Variants in LCTL observed in about 807,000 individuals in gnomAD.
LCTL encodes the protein lactase like, also known as lactase-like protein.
In LCTL, 76 loss-of-function variants were observed where a neutral mutation model predicts 75.8. The observed-to-expected ratio is 1.00, with a 90% confidence interval of 0.83 to 1.21. The LOEUF (loss-of-function observed/expected upper bound fraction) is 1.21, where lower values mean the gene tolerates loss of function less well. LCTL is among the 50% of genes most tolerant of loss of function. The pLI is 0.00. For missense variants in LCTL, 670 were observed against 712.4 expected (o/e 0.94, Z 0.68); for synonymous variants, 271 against 268.8 (o/e 1.01, Z -0.08).
chr15:66,554,216 G>A (rs997896971), intron 8 of LCTL, among the ~76,000 whole-genome samples: 11 of 150,954 alleles, frequency 7.3e-5, no homozygotes, highest in African/African-American at 2.0e-4. Flanking sequence ...GCTTGAAGCC[G>A]GGAGGTGGAG....
At chr15:66,549,438 C>T (rs1307601243) in intron 12 of LCTL, 1 of 152,174 alleles carries the variant, frequency 6.6e-6, no homozygotes, top group African/African-American at 2.4e-5. Flanking sequence ...AAGCATATTT[C>T]TCTGATTGCC....
intron 11 of LCTL, among the ~76,000 whole-genome samples, chr15:66,550,827 C>T (rs1301043661): frequency 1.3e-5 from 2 of 151,966 alleles, no homozygotes; most frequent in Non-Finnish European, 2.9e-5. Context: ...GGTGCAGCAA[C>T]AGAGAATAGA....
At chr15:66,561,138 G>A in intron 5 of LCTL, 37 bp from the exon 7 acceptor site, 1 of 1,614,178 alleles carries the variant, frequency 6.2e-7, no homozygotes, top group South Asian at 1.1e-5. Flanking sequence ...GGATCCATAA[G>A]AAGTGGCAGG....
chr15:66,554,384 A>G (rs1026329048), intron 8 of LCTL, among the ~76,000 whole-genome samples: 4 of 151,370 alleles, frequency 2.6e-5, no homozygotes, highest in Non-Finnish European at 2.9e-5. Flanking sequence ...ACTTGAACCC[A>G]GGAGGCAGAG....
At chr15:66,562,497 G>C (rs925324942) in intron 4 of LCTL, among the ~76,000 whole-genome samples, 1 of 152,128 alleles carries the variant, frequency 6.6e-6, no homozygotes, top group African/African-American at 2.4e-5. Flanking sequence ...GACATTGCTG[G>C]GGCAGGGGTC....
chr15:66,559,175 C>A (rs960400870), intron 6 of LCTL, among the ~76,000 whole-genome samples: 1 of 152,150 alleles, frequency 6.6e-6, no homozygotes, highest in Non-Finnish European at 1.5e-5. Flanking sequence ...TGTGCCACCA[C>A]ACCTGGCTCA....
chr15:66,551,558 T>G, intron 11 of LCTL, 104 bp downstream of exon 12: 1 of 911,664 alleles, frequency 1.1e-6, no homozygotes, highest in Admixed American at 2.2e-5. Flanking sequence ...CCCCGTCCTC[T>G]TTCATGGAGG....
rs1233507810 is a variant in LCTL at position 66,548,629 on chromosome 15, A to G, written c.1589-24T>C. 3.3e-6 allele frequency: 4 copies of G among 1,198,346 alleles called. 1 individual carries two copies. The South Asian group carries it at 3.7e-5, about 11-fold the overall frequency. 74.2% of individuals were successfully genotyped at this position (1,198,346 alleles called of 1,614,324 possible). ...CTCTGAAATGACAAAGAGAACGAGC[A>G]CCACAAATGAGAACAGGATCATTTT... On this transcript the variant is annotated intron_variant, in intron 12 of 12. Coordinates refer to ENST00000341509, the Ensembl canonical transcript of LCTL.
exon 13 of LCTL, chr15:66,548,021 A>G (rs1567056095): frequency 6.6e-6 from 1 of 152,614 alleles, no homozygotes; most frequent in Non-Finnish European, 1.5e-5. Flanking sequence ...TTCTGGCCTC[A>G]AGTGATTCAC....
rs572660636 is a variant in LCTL at position 66,554,228 on chromosome 15, T to A, written c.923-970A>T. Among the ~76,000 whole-genome samples the A allele has an allele frequency of 2.0e-5, 3 of 148,198 alleles. No homozygotes were observed. In the Admixed American group the frequency reaches 2.0e-4, roughly 10 times the overall value. ...GTCGCTTGAAGCCGGGAGGTGGAGG[T>A]TGCAGTGAGCCGAGATCACGCCACT... On this transcript the variant is annotated intron_variant, in intron 8 of 12. Transcript: ENST00000341509.
Position 66,564,668 on chromosome 15 carries a change from G to A in LCTL, c.282+8C>T, listed in dbSNP as rs763763786. ...GCGCACACACACACACTCACACCCC[G>A]CACTCACCTGGACCTTGTAGTAGCC... On this transcript the variant is annotated splice_region_variant and intron_variant, in intron 2 of 12. Transcript: ENST00000341509. 48 of 1,610,008 alleles carry A rather than the reference G, an allele frequency of 3.0e-5. No individual in the cohort carries two copies. The highest frequency in any genetic ancestry group is 3.5e-5 in the Non-Finnish European group (41 of 1,179,714).
intron 6 of LCTL, 109 bp downstream of exon 7, chr15:66,560,897 G>T: frequency 1.1e-6 from 1 of 877,850 alleles, no homozygotes; most frequent in Non-Finnish European, 1.8e-6. Context: ...GTGCTATGGA[G>T]TATGCTGACT....
intron 8 of LCTL, among the ~76,000 whole-genome samples, chr15:66,556,764 CTG>C (rs1249761660): frequency 1.3e-5 from 2 of 152,132 alleles, no homozygotes; most frequent in African/African-American, 4.8e-5. Flanking sequence ...AAATCAGAGA[CTG>C]TGGAATCGTG....
In LCTL at chr15:66,565,405, G is replaced by T. The variant is rs1366322886; in HGVS notation, c.-40C>A. ...CCCCATACCTGAAAAAGTGCAGCTG[G>T]CTCTGCAGGCCCCTGCAGCCAGGCT... On this transcript the variant is annotated 5_prime_UTR_variant, in exon 1 of 13. Transcript: ENST00000341509. The T allele has an allele frequency of 1.5e-6, 2 of 1,314,228 alleles. No homozygotes were observed. The highest frequency in any genetic ancestry group is 2.2e-6 in the Non-Finnish European group (2 of 928,544). The allele number at this position is 1,314,228 out of a possible 1,614,324, so 81.4% of individuals were successfully genotyped here. A position where few individuals can be genotyped will look rare whatever the true frequency, so the allele number is the denominator to read the frequency against.
At chr15:66,558,347 G>C (rs1477241693) in intron 6 of LCTL, among the ~76,000 whole-genome samples, 1 of 152,152 alleles carries the variant, frequency 6.6e-6, no homozygotes, top group African/African-American at 2.4e-5. Context: ...CTTTTCCTCA[G>C]AGGAGCTCAG....
At chr15:66,555,181 G>A (rs556702367) in intron 8 of LCTL, among the ~76,000 whole-genome samples, 1 of 152,200 alleles carries the variant, frequency 6.6e-6, no homozygotes, top group African/African-American at 2.4e-5. Flanking sequence ...GTTACATTTA[G>A]TGACTTAAGA....
rs940082386 is a variant in LCTL at position 66,551,076 on chromosome 15, C to T, written c.1524+586G>A. ...TAAGACACAAGATTTGGGCCAGGCG[C>T]GGTGGCTCACGCCTGTAATCCCAGC... On this transcript the variant is annotated intron_variant, in intron 11 of 12. Transcript: ENST00000341509. Among the ~76,000 whole-genome samples, 36 of 151,786 alleles carry T rather than the reference C, an allele frequency of 2.4e-4. 1 individual carries two copies. The highest frequency in any genetic ancestry group is 2.0e-3 in the Admixed American group (31 of 15,222).
At chr15:66,551,701 C>A (rs756074428) in exon 11 of LCTL, 1 of 1,613,984 alleles carries the variant, frequency 6.2e-7, no homozygotes, top group African/African-American at 1.3e-5. Flanking sequence ...TGATAATCTT[C>A]TTGTAATATT....
chr15:66,553,337 C>T, intron 8 of LCTL, 79 bp from the exon 10 acceptor site: 3 of 1,174,358 alleles, frequency 2.6e-6, no homozygotes, highest in Non-Finnish European at 3.5e-6. Flanking sequence ...ACGATAGTGA[C>T]ATCTTGACAT....
Sources: allele counts gnomAD v4.1 joint callset (sites outside exome capture counted in the v4.1 genomes callset), GRCh38; gene constraint gnomAD v4.1.1; transcripts MANE v1.5; gene names NCBI Gene and HGNC (gene_info 2026-07-23, HGNC 2026-07-21).